Variants in KIAA1217 observed in about 807,000 individuals in gnomAD.
The protein encoded by KIAA1217 is sickle tail protein homolog.
In KIAA1217, 88 loss-of-function variants were observed where a neutral mutation model predicts 163.9. The observed-to-expected ratio is 0.54, with a 90% confidence interval of 0.45 to 0.64. KIAA1217 has a LOEUF of 0.64. KIAA1217 is among the 30% of genes least tolerant of loss of function. The pLI is 0.00. For synonymous variants in KIAA1217, 903 were observed against 923.1 expected (o/e 0.98, Z 0.39); for missense variants, 2,372 against 2,475.0 (o/e 0.96, Z 0.88).
chr10:23,903,599 T>C (rs1274780278), intron 1 of KIAA1217, among the ~76,000 whole-genome samples: 1 of 152,090 alleles, frequency 6.6e-6, no homozygotes, highest in African/African-American at 2.4e-5. Context: ...CAGATTTTCC[T>C]GAGTGTATCT....
At chr10:24,003,251 G>T (rs1380259235) in intron 1 of KIAA1217, among the ~76,000 whole-genome samples, 1 of 152,058 alleles carries the variant, frequency 6.6e-6, no homozygotes, top group Non-Finnish European at 1.5e-5. Context: ...CATAGTAGTT[G>T]TACTAGTTTA....
intron 1 of KIAA1217, among the ~76,000 whole-genome samples, chr10:23,944,407 G>GAGTGGGGCAAAAT (rs1467649614): frequency 6.6e-6 from 1 of 151,930 alleles, no homozygotes; most frequent in African/African-American, 2.4e-5. Context: ...CTGGGCAAAA[G>GAGTGGGGCAAAAT]AGTGAGACCC....
intron 2 of KIAA1217, among the ~76,000 whole-genome samples, chr10:24,094,544 C>T (rs750973059): frequency 3.8e-4 from 58 of 152,312 alleles, no homozygotes; most frequent in Non-Finnish European, 6.6e-4. Flanking sequence ...TGCAGAACAG[C>T]GGATTTTCGT....
At chr10:23,857,822 T>C (rs1839767734) in intron 1 of KIAA1217, among the ~76,000 whole-genome samples, 1 of 152,184 alleles carries the variant, frequency 6.6e-6, no homozygotes, top group Non-Finnish European at 1.5e-5. Context: ...TGAATGTATG[T>C]TCATATATAT....
At chr10:23,717,084 T>A (rs1837617231) in intron 1 of KIAA1217, among the ~76,000 whole-genome samples, 1 of 152,154 alleles carries the variant, frequency 6.6e-6, no homozygotes, top group African/African-American at 2.4e-5. Flanking sequence ...AACCCCTGCC[T>A]TACTTTGCCC....
intron 1 of KIAA1217, among the ~76,000 whole-genome samples, chr10:24,217,283 G>A (rs1011735725): frequency 1.8e-4 from 27 of 152,164 alleles, no homozygotes; most frequent in Non-Finnish European, 2.5e-4. Context: ...TGTTGGAAGC[G>A]CAACCTAAAT....
chr10:24,492,528 T>C (rs2066282446), intron 6 of KIAA1217, among the ~76,000 whole-genome samples: 4 of 152,324 alleles, frequency 2.6e-5, no homozygotes, highest in South Asian at 4.1e-4. Flanking sequence ...GCTTGGTGTT[T>C]TTTTTCCTCC....
At chr10:24,203,858 C>T (rs529956685), upstream of KIAA1217, among the ~76,000 whole-genome samples, 28 of 152,316 alleles carry the variant, frequency 1.8e-4, no homozygotes, top group East Asian at 5.2e-3. Flanking sequence ...TAAGTTGCCA[C>T]CTGGAATCCA....
intron 2 of KIAA1217, among the ~76,000 whole-genome samples, chr10:24,009,258 T>C (rs1178617029): frequency 6.6e-6 from 1 of 152,174 alleles, no homozygotes; most frequent in African/African-American, 2.4e-5. Context: ...AATTGGCCCA[T>C]TATCACATGG....
At chr10:24,296,777 G>A (rs575592468) in intron 2 of KIAA1217, among the ~76,000 whole-genome samples, 23 of 152,062 alleles carry the variant, frequency 1.5e-4, no homozygotes, top group African/African-American at 4.3e-4. Flanking sequence ...TTTGGCCTTC[G>A]CGAAGAAGGA....
intron 2 of KIAA1217, among the ~76,000 whole-genome samples, chr10:24,353,874 T>C (rs2134068743): frequency 6.6e-6 from 1 of 152,334 alleles, no homozygotes; most frequent in South Asian, 2.1e-4. Context: ...TCTTATTTTA[T>C]GAGCAAAAAA....
chr10:24,226,274 A>T (rs1043067687), intron 2 of KIAA1217, among the ~76,000 whole-genome samples: 17 of 152,130 alleles, frequency 1.1e-4, no homozygotes, highest in African/African-American at 4.1e-4. Flanking sequence ...GACATCATGT[A>T]CATCACATTG....
At chr10:24,209,039 G>A, upstream of KIAA1217, 1 of 623,714 alleles carries the variant, frequency 1.6e-6, no homozygotes, top group Non-Finnish European at 2.8e-6. Context: ...GGGCGAGGGA[G>A]ACTTTGCACC....
At chr10:24,089,395 C>T (rs1433458379) in intron 2 of KIAA1217, among the ~76,000 whole-genome samples, 1 of 125,078 alleles carries the variant, frequency 8.0e-6, no homozygotes, top group African/African-American at 2.5e-5. Context: ...AATGGTATTT[C>T]CTAGGTTTTC....
At chr10:24,471,878 C>G (rs1460940429) in intron 5 of KIAA1217, among the ~76,000 whole-genome samples, 1 of 134,996 alleles carries the variant, frequency 7.4e-6, no homozygotes, top group Non-Finnish European at 1.5e-5. Context: ...CAGAGCAAGA[C>G]TCCATCTCAA....
intron 17 of KIAA1217, among the ~76,000 whole-genome samples, chr10:24,538,279 C>A (rs2074332589): frequency 6.6e-6 from 1 of 152,040 alleles, no homozygotes; most frequent in Non-Finnish European, 1.5e-5. Context: ...CACCACGGCA[C>A]CCTTGTGTAA....
At chr10:24,159,875 T>C (rs75319710) in intron 2 of KIAA1217, among the ~76,000 whole-genome samples, 1 of 152,270 alleles carries the variant, frequency 6.6e-6, no homozygotes, top group Admixed American at 6.5e-5. Context: ...ATGATATATA[T>C]AGAGTTTTTA....
intron 2 of KIAA1217, among the ~76,000 whole-genome samples, chr10:24,200,597 A>C (rs1480411562): frequency 6.6e-6 from 1 of 152,172 alleles, no homozygotes; most frequent in East Asian, 1.9e-4. Flanking sequence ...GCACCAGGCC[A>C]CACCCAAAGT....
chr10:23,871,851 A>G (rs754544303), intron 1 of KIAA1217, among the ~76,000 whole-genome samples: 1 of 152,074 alleles, frequency 6.6e-6, no homozygotes, highest in Non-Finnish European at 1.5e-5. Flanking sequence ...TAGCATCACC[A>G]ACGTGTCATT....
Sources: allele counts gnomAD v4.1 joint callset (sites outside exome capture counted in the v4.1 genomes callset), GRCh38; gene constraint gnomAD v4.1.1; transcripts MANE v1.5; gene names NCBI Gene and HGNC (gene_info 2026-07-23, HGNC 2026-07-21).